GBP5: variants seen among roughly 807,000 people sequenced by gnomAD.
GBP5 encodes guanylate binding protein 5.
GBP5 carries 48 observed loss-of-function variants against 58.2 expected under a neutral mutation model. That is an observed-to-expected ratio of 0.83 (90% CI 0.65 to 1.05). The LOEUF (loss-of-function observed/expected upper bound fraction) is 1.05. Ranked by LOEUF, GBP5 falls within the 50% of genes least tolerant of loss-of-function variation. The probability of loss-of-function intolerance (pLI) is 0.00; values close to 1 mark genes in which losing one functional copy is unlikely to be tolerated. For synonymous variants in GBP5, 248 were observed against 251.8 expected, an observed-to-expected ratio of 0.98 and a Z score of 0.14; for missense variants, 714 against 686.8, an observed-to-expected ratio of 1.04 and a Z score of -0.44.
In GBP5 at chr1:89,259,287, C is replaced by T. The variant is rs1260603659; in HGVS notation, c.*1417G>A. On this transcript the variant is annotated 3_prime_UTR_variant, in exon 12 of 12. Transcript: ENST00000370459. Reference sequence around the variant, plus strand: ...GTGAACAGAAAAGAAAAGGCTTCTTCTTTAGCCCTTAAGCCTATGACACAA... The same window carrying T: ...GTGAACAGAAAAGAAAAGGCTTCTTTTTTAGCCCTTAAGCCTATGACACAA... 1 of 152,184 alleles carries T rather than the reference C, an allele frequency of 6.6e-6. No homozygotes were observed. Among genetic ancestry groups the T allele is most frequent in the Non-Finnish European group, 1.5e-5 (1 of 68,028 alleles). 9.4% of individuals were successfully genotyped at this position (152,184 alleles called of 1,614,324 possible).
Position 89,260,654 on chromosome 1 carries a change from G to T in GBP5, c.*50C>A. 9.4e-7 allele frequency: 1 copy of T among 1,063,928 alleles called. No homozygotes were observed. Among genetic ancestry groups the T allele is most frequent in the Non-Finnish European group, 1.5e-6 (1 of 688,054 alleles). 65.9% of individuals were successfully genotyped at this position (1,063,928 alleles called of 1,614,324 possible). On this transcript the variant is annotated 3_prime_UTR_variant, in exon 12 of 12. Coordinates refer to ENST00000370459, the MANE Select transcript of GBP5 (RefSeq NM_052942.5). ...CAAGGTCTACAGTTTCTTTTCTGTT[G>T]TGTCATCAGTGACAAAGAGTAAAAA...
intron 11 of GBP5, among the ~76,000 whole-genome samples, chr1:89,261,245 A>G (rs1266624713): frequency 6.6e-6 from 1 of 152,254 alleles, no homozygotes; most frequent in African/African-American, 2.4e-5. Context: ...AATTTGTTCC[A>G]GGTCACCACA....
At position 89,256,404 on chromosome 1, in the gene GBP5, T is replaced by C. The variant is rs1406582958; in HGVS notation, c.*4300A>G. Among the ~76,000 whole-genome samples the C allele has an allele frequency of 1.3e-5, 2 of 152,350 alleles. No individual in the cohort carries two copies. The highest frequency in any genetic ancestry group is 1.9e-4 in the East Asian group (1 of 5,192). The stretch of plus-strand genomic sequence containing the variant: ...TGTCAGAAGTTGTCATATACACCTA[T>C]AGAATTTTAGTAATGCTGAATGTAT... On this transcript the variant is annotated 3_prime_UTR_variant, in exon 12 of 12. Transcript: ENST00000370459.
intron 6 of GBP5, 74 bp downstream of exon 6, chr1:89,266,883 A>T: frequency 9.7e-7 from 1 of 1,032,300 alleles, no homozygotes; most frequent in Non-Finnish European, 1.4e-6. Flanking sequence ...CCATAAATTT[A>T]ACCACCTAAA....
chr1:89,269,476 G>C lies in GBP5; in HGVS notation c.80C>G (p.Ala27Gly), dbSNP rs1318495076. 6.2e-7 allele frequency: 1 copy of C among 1,614,060 alleles called. No homozygotes were observed. The highest frequency in any genetic ancestry group is 1.1e-5 in the South Asian group (1 of 91,078). Residue 27 changes from alanine to glycine, a missense_variant, in exon 3 of 12, where the codon GCT becomes GGT. Ala to Gly is a moderately conservative substitution (Grantham distance 60). Coordinates refer to ENST00000370459, the MANE Select transcript of GBP5 (RefSeq NM_052942.5). ...CGTAATGGCAGACAGGATCTCCAAA[G>C]CTTCCTGATTAACCTTCAGCTGCTC... ...FNEQLKVNQE[A>G]LEILSAITQP... is the part of the protein sequence containing the mutation.
rs1257273679 is a variant in GBP5 at position 89,264,931 on chromosome 1, T to C, written c.904A>G (p.Ile302Val). ...ATGCAAGGCAGATCCCCACTGCTGA[T>C]GGCATTGACATAGGTCAGCACCAGG... ...KNLVLTYVNA[I>V]SSGDLPCIEN... The change falls in exon 8 of 12, where the codon ATC (isoleucine) becomes GTC (valine). Residue 302 changes from isoleucine (I) to valine (V), a missense_variant. Transcript: ENST00000370459. 1.2e-6 allele frequency: 2 copies of C among 1,614,190 alleles called. No homozygotes were observed. The highest frequency in any genetic ancestry group is 2.2e-5 in the South Asian group (2 of 91,088).
intron 11 of GBP5, 125 bp downstream of exon 11, chr1:89,262,095 A>G: frequency 1.1e-6 from 1 of 875,770 alleles, no homozygotes; most frequent in Non-Finnish European, 1.8e-6. Context: ...TTGGATTCAT[A>G]CCCAGACTTT....
intron 4 of GBP5, among the ~76,000 whole-genome samples, chr1:89,268,385 A>G (rs549158547): frequency 4.6e-5 from 7 of 152,348 alleles, no homozygotes; most frequent in African/African-American, 1.7e-4. Flanking sequence ...TACAAGTGCT[A>G]GAGCTCTGAT....
At position 89,259,804 on chromosome 1, in the gene GBP5, A is replaced by G; in HGVS notation, c.*900T>C. 6.6e-6 allele frequency: 1 copy of G among 152,448 alleles called. No homozygotes were observed. The highest frequency in any genetic ancestry group is 1.5e-5 in the Non-Finnish European group (1 of 68,322). The allele number at this position is 152,448 out of a possible 1,614,324, so 9.4% of individuals were successfully genotyped here. ...CAGGATGTGGCCATACTGGGAGGAA[A>G]AGTCTCCACAAATGGCCTTGCCCCC... On this transcript the variant is annotated 3_prime_UTR_variant, in exon 12 of 12. Transcript: ENST00000370459.
rs1473612849 is a variant in GBP5 at position 89,258,408 on chromosome 1, T to C, written c.*2296A>G. Among the ~76,000 whole-genome samples, 2 of 152,170 alleles carry C rather than the reference T, an allele frequency of 1.3e-5. No homozygotes were observed. Among genetic ancestry groups the C allele is most frequent in the Non-Finnish European group, 2.9e-5 (2 of 68,028 alleles). ...ATTCTTTTTACTGATAACATTTCCT[T>C]GGATGATAAAATGTATTTTTTTCTT... On this transcript the variant is annotated 3_prime_UTR_variant, in exon 12 of 12. Coordinates refer to ENST00000370459, the MANE Select transcript of GBP5 (RefSeq NM_052942.5).
At chr1:89,267,354 T>C (rs761325228) in intron 5 of GBP5, 63 bp downstream of exon 5, 18 of 1,216,378 alleles carry the variant, frequency 1.5e-5, no homozygotes, top group Non-Finnish European at 1.9e-5. Flanking sequence ...CTCACAGACA[T>C]GCAGCTGGTA....
rs1027768260 is a variant in GBP5 at position 89,260,593 on chromosome 1, A to C, written c.*111T>G. 79 of 696,324 alleles carry C rather than the reference A, an allele frequency of 1.1e-4. No individual in the cohort carries two copies. The Admixed American group carries it at 1.9e-3, about 16-fold the overall frequency. 43.1% of individuals were successfully genotyped at this position (696,324 alleles called of 1,614,324 possible). ...TATAACTCTATATGAAAGTTTGAAA[A>C]AATAATTATAAAGTTTATTTAAATG... On this transcript the variant is annotated 3_prime_UTR_variant, in exon 12 of 12. Coordinates refer to ENST00000370459, the MANE Select transcript of GBP5 (RefSeq NM_052942.5).
chr1:89,261,872 A>T (rs1650014372), intron 11 of GBP5, among the ~76,000 whole-genome samples: 1 of 152,246 alleles, frequency 6.6e-6, no homozygotes, highest in Non-Finnish European at 1.5e-5. Context: ...AAGACCAGTT[A>T]CTGCAGCCCA....
At chr1:89,262,153 C>T in intron 11 of GBP5, 67 bp downstream of exon 11, 1 of 1,477,476 alleles carries the variant, frequency 6.8e-7, no homozygotes, top group Non-Finnish European at 9.4e-7. Context: ...GCTGCCTCTC[C>T]CTCTTTGCCA....
intron 7 of GBP5, 50 bp from the exon 8 acceptor site, chr1:89,265,016 G>A: frequency 6.6e-7 from 1 of 1,505,228 alleles, no homozygotes; most frequent in East Asian, 2.3e-5. Context: ...AAGAAGACAT[G>A]ATTGATACAG....
rs892968798 is a variant in GBP5 at position 89,259,581 on chromosome 1, C to G, written c.*1123G>C. On this transcript the variant is annotated 3_prime_UTR_variant, in exon 12 of 12. Coordinates refer to ENST00000370459, the MANE Select transcript of GBP5 (RefSeq NM_052942.5). ...GCCCAGACTTTGGTCAAGTTCCTTC[C>G]GACTGAGCCCAGTTAGGGACACCCT... 6.6e-6 allele frequency: 1 copy of G among 152,174 alleles called. No individual in the cohort carries two copies. The highest frequency in any genetic ancestry group is 1.5e-5 in the Non-Finnish European group (1 of 68,062). The allele number at this position is 152,174 out of a possible 1,614,324, so 9.4% of individuals were successfully genotyped here. A position where few individuals can be genotyped will look rare whatever the true frequency, so the allele number is the denominator to read the frequency against.
chr1:89,257,821 A>G lies in GBP5; in HGVS notation c.*2883T>C, dbSNP rs141421102. ...CAAATTATTACTAATTTTGTGGCTT[A>G]AAACAACAGAAGCTTATTATCTTAC... On this transcript the variant is annotated 3_prime_UTR_variant, in exon 12 of 12. Coordinates refer to ENST00000370459, the MANE Select transcript of GBP5 (RefSeq NM_052942.5). Among the ~76,000 whole-genome samples the G allele has an allele frequency of 9.8e-3, 1,490 of 152,334 alleles. 33 individuals carry two copies. The highest frequency in any genetic ancestry group is 0.034 in the African/African-American group (1,394 of 41,572).
intron 4 of GBP5, among the ~76,000 whole-genome samples, chr1:89,268,209 T>G (rs1172230821): frequency 6.6e-6 from 1 of 152,252 alleles, no homozygotes; most frequent in African/African-American, 2.4e-5. Flanking sequence ...CATGGTTGTT[T>G]TTGTTTTTGT....
rs1440300585 is a variant in GBP5, at chr1:89,267,296, T to C, written c.428+121A>G. ...TCAGTAAATATAAGGGCTCCTTTCT[T>C]TGTACTTTCAATGTTTATCACGTTT... On this transcript the variant is annotated intron_variant, in intron 5 of 11. Coordinates refer to ENST00000370459, the MANE Select transcript of GBP5 (RefSeq NM_052942.5). The C allele has an allele frequency of 8.3e-6, 8 of 962,880 alleles. No individual in the cohort carries two copies. The Admixed American group carries it at 1.5e-4, about 18-fold the overall frequency. 59.6% of individuals were successfully genotyped at this position (962,880 alleles called of 1,614,324 possible). A position where few individuals can be genotyped will look rare whatever the true frequency, so the allele number is the denominator to read the frequency against.
Sources: allele counts gnomAD v4.1 joint callset (sites outside exome capture counted in the v4.1 genomes callset), GRCh38; gene constraint gnomAD v4.1.1; transcripts MANE v1.5; gene names NCBI Gene and HGNC (gene_info 2026-07-23, HGNC 2026-07-21).